Variants in RALGAPA1 observed in about 807,000 individuals in gnomAD.
RALGAPA1 encodes Ral GTPase activating protein catalytic subunit alpha 1, also known as ral GTPase-activating protein subunit alpha-1.
RALGAPA1 carries 52 observed loss-of-function variants against 269.6 expected under a neutral mutation model. That is an observed-to-expected ratio of 0.19 (90% CI 0.15 to 0.24). The LOEUF (loss-of-function observed/expected upper bound fraction) is 0.24, where lower values mean the gene tolerates loss of function less well. Among genes scored for constraint, RALGAPA1 ranks in the 10% least tolerant of loss-of-function variants. The probability of loss-of-function intolerance (pLI) is 1.00; values close to 1 mark genes in which losing one functional copy is unlikely to be tolerated. For missense variants in RALGAPA1, 1,917 were observed against 3,013.9 expected (o/e 0.64, Z 8.52); for synonymous variants, 817 against 1,008.3 (o/e 0.81, Z 3.60).
intron 2 of RALGAPA1, among the ~76,000 whole-genome samples, chr14:35,775,358 T>C (rs2074939818): frequency 6.6e-6 from 1 of 152,128 alleles, no homozygotes; most frequent in South Asian, 2.1e-4. Context: ...CATATGCTCC[T>C]AGGGCAGAAC....
chr14:35,796,160 T>G (rs1241643325), intron 1 of RALGAPA1, among the ~76,000 whole-genome samples: 3 of 152,172 alleles, frequency 2.0e-5, no homozygotes, highest in Non-Finnish European at 4.4e-5. Flanking sequence ...GTATTCCATA[T>G]GTTCAAAAAG....
Position 35,540,114 on chromosome 14 carries a change from T to A in RALGAPA1, c.*24-424A>T, listed in dbSNP as rs565928528. ...AACTTGAAAAACAGCACCAAACAGT[T>A]CCAAACAGTTTTGGAACCACGGGTT... is the stretch of plus-strand genomic sequence containing the variant. On this transcript the variant is annotated intron_variant, in intron 41 of 41. Transcript: ENST00000680220. Among the ~76,000 whole-genome samples the A allele has an allele frequency of 1.1e-4, 17 of 151,976 alleles. No homozygotes were observed. The East Asian group carries it at 2.7e-3, about 24-fold the overall frequency.
chr14:35,691,485 CAG>C (rs2066478699), intron 17 of RALGAPA1, among the ~76,000 whole-genome samples: 1 of 152,102 alleles, frequency 6.6e-6, no homozygotes. Flanking sequence ...TTAAATGCAA[CAG>C]AACTATAACT....
chr14:35,646,371 A>C (rs983164480), intron 31 of RALGAPA1, among the ~76,000 whole-genome samples: 1 of 152,212 alleles, frequency 6.6e-6, no homozygotes, highest in Non-Finnish European at 1.5e-5. Context: ...AGTTAGCACC[A>C]ATCAGTAATG....
At chr14:35,684,158 G>A (rs967448634) in intron 20 of RALGAPA1, among the ~76,000 whole-genome samples, 173 bp from the exon 21 acceptor site, 1 of 152,112 alleles carries the variant, frequency 6.6e-6, no homozygotes, top group African/African-American at 2.4e-5. Context: ...TAAGTAGATC[G>A]GGATAGTGTA....
At chr14:35,745,682 T>A (rs896898340) in intron 10 of RALGAPA1, among the ~76,000 whole-genome samples, 1 of 145,174 alleles carries the variant, frequency 6.9e-6, no homozygotes, top group African/African-American at 2.6e-5. Context: ...AAGAACTACT[T>A]GAACCCGGGA....
chr14:35,578,792 T>C (rs1183360683), intron 37 of RALGAPA1, among the ~76,000 whole-genome samples: 2 of 152,232 alleles, frequency 1.3e-5, no homozygotes, highest in Non-Finnish European at 2.9e-5. Flanking sequence ...ATAGTTCTTT[T>C]GATTTGTGGC....
chr14:35,574,107 G>A (rs1009646577), intron 37 of RALGAPA1, among the ~76,000 whole-genome samples: 8 of 152,118 alleles, frequency 5.3e-5, no homozygotes, highest in Non-Finnish European at 7.4e-5. Flanking sequence ...AGTAATAAAC[G>A]ATAGTAAAAG....
Position 35,689,727 on chromosome 14 carries a change from T to C in RALGAPA1, c.2684A>G (p.His895Arg). 1 of 1,465,038 alleles carries C rather than the reference T, an allele frequency of 6.8e-7. No homozygotes were observed. The highest frequency in any genetic ancestry group is 1.5e-5 in the South Asian group (1 of 66,000). The allele number at this position is 1,465,038 out of a possible 1,614,324, so 90.8% of individuals were successfully genotyped here. Residue 895 changes from histidine to arginine, a missense_variant, in exon 18 of 42, where the codon CAT (histidine) becomes CGT (arginine). This residue lies in a region of RALGAPA1 where 615 missense variants were observed against 790.0 expected (regional missense o/e 0.78). Transcript: ENST00000680220. ...RSTESHITDT[H>R]SRESSLEVGD... is the part of the protein sequence containing the mutation. ...AACTTCCAGAGAAGACTCTCTACTA[T>C]GAGTATCAGTGATGTGGCTTTCAGT...
At chr14:35,725,183 C>T (rs918507547) in intron 13 of RALGAPA1, 30 bp from the exon 14 acceptor site, 3 of 1,493,174 alleles carry the variant, frequency 2.0e-6, no homozygotes, top group Non-Finnish European at 1.8e-6. Flanking sequence ...TTAATGTTTC[C>T]TTCTTGCATA....
In RALGAPA1 at chr14:35,612,344, C is replaced by G. The variant is rs541524334; in HGVS notation, c.6930-6635G>C. Among the ~76,000 whole-genome samples, 297 of 142,100 alleles carry G rather than the reference C, an allele frequency of 2.1e-3. 1 individual carries two copies. The highest frequency in any genetic ancestry group is 7.6e-3 in the African/African-American group (284 of 37,604). The allele number at this position is 142,100 out of a possible 152,430, so 93.2% of individuals were successfully genotyped here. On this transcript the variant is annotated intron_variant, in intron 35 of 41. Transcript: ENST00000680220. ...TGTGACTGCATCACTGTACCCCAGC[C>G]TGGGTGACAGAATGAAACTCTGTTT... is the stretch of plus-strand genomic sequence containing the variant.
intron 6 of RALGAPA1, among the ~76,000 whole-genome samples, chr14:35,757,315 T>A (rs980097429): frequency 6.6e-6 from 1 of 151,948 alleles, no homozygotes; most frequent in African/African-American, 2.4e-5. Context: ...AGACGGGGTT[T>A]CACCATGTTG....
In RALGAPA1 at chr14:35,549,103, A is replaced by G. The variant is rs1356822109; in HGVS notation, c.7621+7T>C. 6.2e-7 allele frequency: 1 copy of G among 1,610,974 alleles called. No individual in the cohort carries two copies. The highest frequency in any genetic ancestry group is 1.7e-5 in the Admixed American group (1 of 59,970). ...AACAAGTAACTAATACTCGCTTTTA[A>G]TCTTACCGGCATCAGATGGTAAATG... On this transcript the variant is annotated splice_region_variant and intron_variant, in intron 40 of 41. Coordinates refer to ENST00000680220, the MANE Select transcript of RALGAPA1 (RefSeq NM_001346249.2).
chr14:35,634,583 C>T lies in RALGAPA1; in HGVS notation c.5986G>A (p.Val1996Ile), dbSNP rs2061553999. 6.2e-7 allele frequency: 1 copy of T among 1,610,096 alleles called. No homozygotes were observed. The highest frequency in any genetic ancestry group is 8.5e-7 in the Non-Finnish European group (1 of 1,178,172). ...DSERSSKLQP[V>I]TEVKTQMQHG... ...ACAGAATTCATGTTACCTTCTGTTA[C>T]TGGCTGGAGTTTAGAAGATCGTTCT... Residue 1996 changes from valine to isoleucine, a missense_variant, in exon 33 of 42, where the codon GTA becomes ATA. Val to Ile is a conservative substitution (Grantham distance 29). This residue lies in a region of RALGAPA1 where 346 missense variants were observed against 566.1 expected (regional missense o/e 0.61). Transcript: ENST00000680220.
chr14:35,633,653 G>C (rs58242816), intron 33 of RALGAPA1, among the ~76,000 whole-genome samples: 4 of 151,998 alleles, frequency 2.6e-5, no homozygotes, highest in Non-Finnish European at 1.5e-5. Context: ...AAAAACAGGC[G>C]GTAGCAATGG....
In RALGAPA1 at chr14:35,627,743, T is replaced by C. The variant is rs376230806; in HGVS notation, c.6204A>G (p.Leu2068=). 4 of 1,613,968 alleles carry C rather than the reference T, an allele frequency of 2.5e-6. No individual in the cohort carries two copies. In the African/African-American group the frequency reaches 5.3e-5, roughly 22 times the overall value. The change falls in exon 34 of 42, where the codon TTA becomes TTG. Residue 2068 remains leucine (L), a synonymous_variant. Coordinates refer to ENST00000680220, the MANE Select transcript of RALGAPA1 (RefSeq NM_001346249.2). ...TACAGGACACTAAGGTTGTATTATT[T>C]AACACAAAGAACTGGATATTTGGAC... The part of the protein sequence containing the change: ...FESPNIQFFV[L]NNTTLVSCIQ...
chr14:35,779,906 G>C (rs573343232), intron 1 of RALGAPA1, among the ~76,000 whole-genome samples: 30 of 152,244 alleles, frequency 2.0e-4, no homozygotes, highest in Admixed American at 1.3e-3. Context: ...GGCGGATCAT[G>C]AGGTTAAGAG....
intron 13 of RALGAPA1, among the ~76,000 whole-genome samples, chr14:35,726,903 AC>A (rs906303043): frequency 6.6e-6 from 1 of 152,186 alleles, no homozygotes; most frequent in African/African-American, 2.4e-5. Context: ...GTGAACAAGG[AC>A]AAGTTACTTA....
rs143621002 is a variant in RALGAPA1 at position 35,566,890 on chromosome 14, CTATA to C, written c.7496+3723_7496+3726del. ...CATTATATATATATATATATTTGTA[CTATA>C]TATATATATATTTGTACTATATATA... is the stretch of plus-strand genomic sequence containing the variant. On this transcript the variant is annotated intron_variant, in intron 39 of 41. Transcript: ENST00000680220. 5.0e-3 allele frequency among the ~76,000 whole-genome samples: 731 copies of C among 145,346 alleles called. 1 individual carries two copies. The highest frequency in any genetic ancestry group is 0.017 in the African/African-American group (664 of 40,028).
Sources: allele counts gnomAD v4.1 joint callset (sites outside exome capture counted in the v4.1 genomes callset), GRCh38; gene constraint gnomAD v4.1.1; regional missense constraint gnomAD v4.1.1; transcripts MANE v1.5; gene names NCBI Gene and HGNC (gene_info 2026-07-23, HGNC 2026-07-21).